Variants in RBMS3 observed in about 807,000 individuals in gnomAD.
RBMS3 encodes RNA binding motif single stranded interacting protein 3.
In RBMS3, 27 loss-of-function variants were observed where a neutral mutation model predicts 66.8. The ratio of observed to expected loss-of-function variants is 0.40; its 90% CI spans 0.30 to 0.56. RBMS3 has a LOEUF of 0.56. Ranked by LOEUF, RBMS3 falls within the 20% of genes least tolerant of loss-of-function variation. The pLI is 0.40. For synonymous variants in RBMS3, 188 were observed against 183.0 expected, an observed-to-expected ratio of 1.03 and a Z score of -0.22; for missense variants, 513 against 549.5, an observed-to-expected ratio of 0.93 and a Z score of 0.66.
intron 3 of RBMS3, among the ~76,000 whole-genome samples, chr3:29,540,797 G>A (rs2045727133): frequency 6.6e-6 from 1 of 152,162 alleles, no homozygotes; most frequent in South Asian, 2.1e-4. Context: ...TTCGGTTGAT[G>A]TCTGGGAGCA....
chr3:29,376,479 A>G (rs1412845149), intron 1 of RBMS3, among the ~76,000 whole-genome samples: 1 of 152,192 alleles, frequency 6.6e-6, no homozygotes, highest in Non-Finnish European at 1.5e-5. Context: ...AGTTAAAAAG[A>G]CACAATGTGG....
intron 1 of RBMS3, among the ~76,000 whole-genome samples, chr3:29,284,406 T>C (rs182665542): frequency 6.6e-6 from 1 of 152,264 alleles, no homozygotes; most frequent in Admixed American, 6.5e-5. Context: ...GATTGAAATG[T>C]TTATTACTAC....
At chr3:29,394,766 CT>C (rs1559545349) in intron 1 of RBMS3, among the ~76,000 whole-genome samples, 1 of 152,172 alleles carries the variant, frequency 6.6e-6, no homozygotes, top group Non-Finnish European at 1.5e-5. Flanking sequence ...CCTCTGTGAT[CT>C]TTCCAGGCAC....
At chr3:29,873,061 T>C (rs2059530237) in intron 7 of RBMS3, among the ~76,000 whole-genome samples, 1 of 152,230 alleles carries the variant, frequency 6.6e-6, no homozygotes, top group Non-Finnish European at 1.5e-5. Flanking sequence ...TGCTTAGGAT[T>C]GCCTTGGCTA....
At chr3:29,838,120 G>A (rs1304304572) in intron 6 of RBMS3, among the ~76,000 whole-genome samples, 1 of 136,858 alleles carries the variant, frequency 7.3e-6, no homozygotes, top group Non-Finnish European at 1.5e-5. Flanking sequence ...TGGGAGGACT[G>A]TTGAACCTGA....
chr3:29,654,609 T>G (rs541234403), intron 4 of RBMS3, among the ~76,000 whole-genome samples: 13 of 150,654 alleles, frequency 8.6e-5, no homozygotes, highest in South Asian at 2.1e-4. Context: ...CTTTTTTTTT[T>G]TGAGAGAGTT....
In RBMS3 at chr3:30,003,869, C is replaced by G. The variant is rs1225382177; in HGVS notation, c.*7C>G. The G allele has an allele frequency of 6.9e-7, 1 of 1,451,142 alleles. No homozygotes were observed. The highest frequency in any genetic ancestry group is 9.1e-7 in the Non-Finnish European group (1 of 1,096,170). 89.9% of individuals were successfully genotyped at this position (1,451,142 alleles called of 1,614,324 possible). A position where few individuals can be genotyped will look rare whatever the true frequency, so the allele number is the denominator to read the frequency against. Reference sequence around the variant, plus strand: ...TTGTTTTCACAGACCATAAACAGGACTGAAGAATGTCTGTCTGAATCTTTG... The same window carrying G: ...TTGTTTTCACAGACCATAAACAGGAGTGAAGAATGTCTGTCTGAATCTTTG... On this transcript the variant is annotated 3_prime_UTR_variant, in exon 15 of 15. Transcript: ENST00000383767.
chr3:29,368,161 T>A (rs1404812512), intron 1 of RBMS3, among the ~76,000 whole-genome samples: 2 of 152,184 alleles, frequency 1.3e-5, no homozygotes, highest in African/African-American at 4.8e-5. Context: ...CTATCAAAAT[T>A]GAGAAGTTTT....
intron 7 of RBMS3, chr3:29,880,961 C>A: frequency 1.2e-6 from 1 of 842,224 alleles, no homozygotes; most frequent in Non-Finnish European, 1.9e-6. Flanking sequence ...CTCATGCTAA[C>A]TCCTGTTCCC....
At chr3:29,481,492 G>A (rs940671512) in intron 2 of RBMS3, among the ~76,000 whole-genome samples, 8 of 152,146 alleles carry the variant, frequency 5.3e-5, no homozygotes, top group Non-Finnish European at 1.0e-4. Context: ...GCTTTCTTGG[G>A]TGATGGCCAG....
chr3:29,314,430 G>A (rs1300513960), intron 1 of RBMS3, among the ~76,000 whole-genome samples: 2 of 151,592 alleles, frequency 1.3e-5, no homozygotes, highest in East Asian at 3.9e-4. Context: ...CTTACTTAAA[G>A]GTCACTGCTG....
At chr3:29,282,305 A>G (rs2031877067) in intron 1 of RBMS3, among the ~76,000 whole-genome samples, 1 of 151,652 alleles carries the variant, frequency 6.6e-6, no homozygotes, top group African/African-American at 2.4e-5. Context: ...TGCCTTGCCT[A>G]TTTTATTTTA....
At chr3:29,749,620 T>C (rs528118094) in intron 5 of RBMS3, among the ~76,000 whole-genome samples, 1 of 152,274 alleles carries the variant, frequency 6.6e-6, no homozygotes, top group South Asian at 2.1e-4. Context: ...CTTCTTGAGG[T>C]CCCAAAATAT....
chr3:29,822,318 C>A (rs145003297), intron 6 of RBMS3, among the ~76,000 whole-genome samples: 98 of 152,280 alleles, frequency 6.4e-4, no homozygotes, highest in Non-Finnish European at 1.1e-3. Context: ...CCAGTTTAAT[C>A]TCTGTTGCCA....
chr3:29,848,060 A>G (rs768546225), intron 6 of RBMS3, among the ~76,000 whole-genome samples: 2 of 152,078 alleles, frequency 1.3e-5, no homozygotes, highest in Non-Finnish European at 2.9e-5. Flanking sequence ...CTCTTTGTTC[A>G]CCTTTTTTCT....
chr3:29,327,759 T>C (rs962684136), intron 1 of RBMS3, among the ~76,000 whole-genome samples: 1 of 152,198 alleles, frequency 6.6e-6, no homozygotes, highest in East Asian at 1.9e-4. Context: ...TTAGCCATCA[T>C]GTCTTCCAAG....
chr3:29,390,936 G>A, intron 1 of RBMS3: 1 of 205,092 alleles, frequency 4.9e-6, no homozygotes, highest in South Asian at 6.9e-5. Flanking sequence ...ATCCATGACG[G>A]CTACCATGGG....
At chr3:29,292,947 G>T (rs149696690) in intron 1 of RBMS3, among the ~76,000 whole-genome samples, 2 of 151,838 alleles carry the variant, frequency 1.3e-5, no homozygotes, top group Non-Finnish European at 2.9e-5. Flanking sequence ...ATTTGATGTG[G>T]AGGGGTCCTG....
In RBMS3 at chr3:29,911,978, A is replaced by AATAGATAGATAGATAG. The variant is rs112979723; in HGVS notation, c.939+12227_939+12228insATAGATAGATAGATAG. ...TAGAAAAATGGAGAAACACATACAT[A>AATAGATAGATAGATAG]ATAGCTAGATAGATAGATAGATAGA... On this transcript the variant is annotated intron_variant, in intron 10 of 14. Transcript: ENST00000383767. Among the ~76,000 whole-genome samples the AATAGATAGATAGATAG allele has an allele frequency of 2.4e-3, 363 of 149,910 alleles. 1 individual carries two copies. Among genetic ancestry groups the AATAGATAGATAGATAG allele is most frequent in the African/African-American group, 8.9e-3 (352 of 39,658 alleles).
Sources: allele counts gnomAD v4.1 joint callset (sites outside exome capture counted in the v4.1 genomes callset), GRCh38; gene constraint gnomAD v4.1.1; transcripts MANE v1.5; gene names NCBI Gene and HGNC (gene_info 2026-07-23, HGNC 2026-07-21).